The following CNGB3 variants were observed in gnomAD, a reference collection of about 807,000 sequenced individuals.
CNGB3 encodes the protein cyclic nucleotide-gated channel beta-3.
CNGB3 carries 86 observed loss-of-function variants against 92.8 expected under a neutral mutation model. The observed-to-expected ratio is 0.93, with a 90% CI of 0.78 to 1.11. CNGB3 has a LOEUF of 1.11. Ranked by LOEUF, CNGB3 falls within the 50% of genes least tolerant of loss-of-function variation. The pLI is 0.00. For synonymous variants in CNGB3, 333 were observed against 332.7 expected (o/e 1.00, Z -0.01); for missense variants, 1,026 against 956.8 (o/e 1.07, Z -0.95).
chr8:86,600,401 T>A (rs1236067042), intron 15 of CNGB3, among the ~76,000 whole-genome samples: 1 of 152,192 alleles, frequency 6.6e-6, no homozygotes, highest in East Asian at 1.9e-4. Flanking sequence ...TTGAGTCACT[T>A]TCACACTATG....
intron 3 of CNGB3, among the ~76,000 whole-genome samples, chr8:86,681,496 C>T (rs986763889): frequency 1.3e-5 from 2 of 151,990 alleles, no homozygotes; most frequent in Admixed American, 6.6e-5. Context: ...AGTTACAACA[C>T]CTGTATAAAT....
At chr8:86,711,855 C>T (rs75367774) in intron 3 of CNGB3, among the ~76,000 whole-genome samples, 12,035 of 149,220 alleles carry the variant, frequency 0.081, 963 homozygotes, top group African/African-American at 0.21. Context: ...ATATATATGA[C>T]ATATAATACA....
intron 6 of CNGB3, among the ~76,000 whole-genome samples, chr8:86,663,358 G>A (rs565988490): frequency 3.2e-4 from 48 of 152,294 alleles, no homozygotes; most frequent in African/African-American, 1.1e-3. Context: ...ACATACAAGA[G>A]ACTTTTTGTT....
intron 11 of CNGB3, 85 bp from the exon 12 acceptor site, chr8:86,629,163 C>G: frequency 7.1e-7 from 1 of 1,401,006 alleles, no homozygotes; most frequent in Middle Eastern, 1.8e-4. Flanking sequence ...ACATGATATA[C>G]TTCCTTCTAA....
At chr8:86,593,734 G>T (rs1822105573) in intron 15 of CNGB3, 4 of 1,014,446 alleles carry the variant, frequency 3.9e-6, no homozygotes, top group Non-Finnish European at 5.9e-6. Flanking sequence ...AGTGGTGGGG[G>T]TGGAAGAAGC....
chr8:86,601,338 G>A (rs1426177371), intron 15 of CNGB3, among the ~76,000 whole-genome samples: 1 of 152,128 alleles, frequency 6.6e-6, no homozygotes, highest in Non-Finnish European at 1.5e-5. Context: ...ACCACCACAA[G>A]GCCATCTCTC....
At chr8:86,587,565 G>T (rs1301451399) in intron 15 of CNGB3, among the ~76,000 whole-genome samples, 6 of 152,030 alleles carry the variant, frequency 3.9e-5, no homozygotes, top group Non-Finnish European at 8.8e-5. Flanking sequence ...TGGCTAGCCA[G>T]TTTTCCCAGC....
rs1823641689 is a variant in CNGB3, at chr8:86,661,623, CTTT to C, written c.852+5299_852+5301del. The C allele has an allele frequency of 1.3e-5, 11 of 815,960 alleles. No individual in the cohort carries two copies. The South Asian group carries it at 1.5e-4, about 11-fold the overall frequency. 50.5% of individuals were successfully genotyped at this position (815,960 alleles called of 1,614,324 possible). A position where few individuals can be genotyped will look rare whatever the true frequency, so the allele number is the denominator to read the frequency against. Reference sequence around the variant, plus strand: ...AACTTTTTCCCACTAATAAGTTCTTCTTTCTTCATCTTACAGTGATTTAAGTAT... The same window carrying C: ...AACTTTTTCCCACTAATAAGTTCTTCCTTCATCTTACAGTGATTTAAGTAT... On this transcript the variant is annotated intron_variant, in intron 6 of 17. Transcript: ENST00000320005.
intron 13 of CNGB3, among the ~76,000 whole-genome samples, chr8:86,612,714 G>A (rs140450993): frequency 6.6e-6 from 1 of 152,198 alleles, no homozygotes; most frequent in African/African-American, 2.4e-5. Flanking sequence ...GTAGCCATTG[G>A]TGAGAAGCAT....
chr8:86,663,982 CATTGATTTTCT>C (rs1480207702), intron 6 of CNGB3, among the ~76,000 whole-genome samples: 2 of 152,162 alleles, frequency 1.3e-5, no homozygotes, highest in African/African-American at 4.8e-5. Flanking sequence ...ATTTGTCAAA[CATTGATTTTCT>C]CCCCCCTTGT....
chr8:86,579,372 T>TGAGG (rs1821719159), intron 15 of CNGB3, 120 bp from the exon 16 acceptor site: 1 of 1,179,762 alleles, frequency 8.5e-7, no homozygotes, highest in Non-Finnish European at 1.2e-6. Flanking sequence ...TCCCTAGAGG[T>TGAGG]GAGGGTCCAG....
chr8:86,590,835 G>C (rs1471630311), intron 15 of CNGB3, among the ~76,000 whole-genome samples: 2 of 150,420 alleles, frequency 1.3e-5, no homozygotes, highest in Non-Finnish European at 3.0e-5. Context: ...TGCTCTTCTC[G>C]AGGAGTATCT....
chr8:86,691,313 T>C (rs1394155812), intron 3 of CNGB3, among the ~76,000 whole-genome samples: 1 of 152,162 alleles, frequency 6.6e-6, no homozygotes, highest in Non-Finnish European at 1.5e-5. Flanking sequence ...ATCATATCAT[T>C]GGTAAACAGC....
chr8:86,689,509 A>AT (rs939617413), intron 3 of CNGB3, among the ~76,000 whole-genome samples: 39 of 143,154 alleles, frequency 2.7e-4, no homozygotes, highest in East Asian at 1.2e-3. Flanking sequence ...ATATATATAT[A>AT]TTTTTTTTAC....
In CNGB3 at chr8:86,636,422, A is replaced by C. The variant is rs572654324; in HGVS notation, c.1179-3529T>G. ...CCCCGTGTCTACTTAAAATACAAAA[A>C]GTAGCCGGGTATGGTGGTGGGTGTC... On this transcript the variant is annotated intron_variant, in intron 10 of 17. Transcript: ENST00000320005. Among the ~76,000 whole-genome samples the C allele has an allele frequency of 4.6e-5, 7 of 151,880 alleles. No individual in the cohort carries two copies. In the South Asian group the frequency reaches 1.2e-3, roughly 27 times the overall value.
chr8:86,657,364 C>T (rs539329385), intron 6 of CNGB3: 2 of 447,292 alleles, frequency 4.5e-6, no homozygotes, highest in South Asian at 3.6e-5. Context: ...CCAAGCTTTG[C>T]TGACAGTGGC....
intron 15 of CNGB3, among the ~76,000 whole-genome samples, chr8:86,584,330 C>A (rs1420596586): frequency 6.6e-6 from 1 of 152,158 alleles, no homozygotes; most frequent in Non-Finnish European, 1.5e-5. Context: ...TTATGCAAGG[C>A]TGGATGGGAT....
In CNGB3 at chr8:86,607,494, G is replaced by A. The variant is rs569863389; in HGVS notation, c.1663-3283C>T. Among the ~76,000 whole-genome samples, 6 of 152,244 alleles carry A rather than the reference G, an allele frequency of 3.9e-5. No individual in the cohort carries two copies. The East Asian group carries it at 1.2e-3, about 29-fold the overall frequency. ...CTCATGAGGGCTTTATGACACTCAA[G>A]GGCACCCCAACAGAAAAGAGCAGTG... On this transcript the variant is annotated intron_variant, in intron 14 of 17. Coordinates refer to ENST00000320005, the MANE Select transcript of CNGB3 (RefSeq NM_019098.5).
intron 10 of CNGB3, among the ~76,000 whole-genome samples, chr8:86,637,795 C>T (rs1823101311): frequency 6.6e-6 from 1 of 152,062 alleles, no homozygotes; most frequent in African/African-American, 2.4e-5. Context: ...TTGACAAATG[C>T]ATATACCTGT....
Sources: gnomAD v4.1 joint callset for allele counts (sites outside exome capture counted in the v4.1 genomes callset) on GRCh38, gnomAD v4.1.1 for gene constraint, MANE v1.5 for transcripts, NCBI Gene and HGNC (gene_info 2026-07-23, HGNC 2026-07-21) for gene names.